The following NR2C2 variants were observed in gnomAD, a reference collection of about 807,000 sequenced individuals.
The protein encoded by NR2C2 is nuclear receptor subfamily 2 group C member 2, also known as Nuclear hormone receptor TR4.
NR2C2 carries 6 observed loss-of-function variants against 62.9 expected under a neutral mutation model. The observed-to-expected ratio is 0.10, with a 90% confidence interval of 0.05 to 0.19. The LOEUF is 0.19. Among genes scored for constraint, NR2C2 ranks in the 10% least tolerant of loss-of-function variants. The probability of loss-of-function intolerance (pLI) is 1.00; values close to 1 mark genes in which losing one functional copy is unlikely to be tolerated. For missense variants in NR2C2, 479 were observed against 762.7 expected (o/e 0.63, Z 4.38); for synonymous variants, 272 against 273.8 (o/e 0.99, Z 0.07).
chr3:14,989,955 TACTG>T (rs374242626), intron 1 of NR2C2, among the ~76,000 whole-genome samples: 239 of 121,638 alleles, frequency 2.0e-3, no homozygotes, highest in African/African-American at 7.4e-3. Context: ...AAAAAAAAAT[TACTG>T]GGTGTGGTGG....
rs575734275 is a variant in NR2C2, at chr3:15,003,092, C to T, written c.-39-784C>T. Among the ~76,000 whole-genome samples the T allele has an allele frequency of 9.9e-5, 15 of 151,124 alleles. No homozygotes were observed. In the South Asian group the frequency reaches 1.3e-3, roughly 13 times the overall value. On this transcript the variant is annotated intron_variant, in intron 1 of 13. Transcript: ENST00000425241. Reference sequence around the variant, plus strand: ...ACACGAGTAGCTGGGATTACAGGTGCGCACCATCGTGCCTGGCTAATTTTT... The same window carrying T: ...ACACGAGTAGCTGGGATTACAGGTGTGCACCATCGTGCCTGGCTAATTTTT...
At chr3:14,985,985 A>G (rs1250135438) in intron 1 of NR2C2, among the ~76,000 whole-genome samples, 1 of 152,118 alleles carries the variant, frequency 6.6e-6, no homozygotes, top group African/African-American at 2.4e-5. Context: ...ATAACTTCAT[A>G]TGCAAGAAGT....
chr3:14,984,926 A>C (rs566908495), intron 1 of NR2C2, among the ~76,000 whole-genome samples: 3 of 152,182 alleles, frequency 2.0e-5, no homozygotes, highest in African/African-American at 7.2e-5. Flanking sequence ...TAGTTGCCCT[A>C]CATCCTTGCC....
intron 1 of NR2C2, among the ~76,000 whole-genome samples, chr3:15,001,390 A>G (rs980206202): frequency 1.4e-5 from 2 of 140,314 alleles, no homozygotes; most frequent in Non-Finnish European, 3.0e-5. Context: ...GCTGGAATGC[A>G]ATGGCGTGAT....
intron 1 of NR2C2, among the ~76,000 whole-genome samples, chr3:14,958,381 T>C (rs1211605244): frequency 1.3e-5 from 2 of 152,074 alleles, no homozygotes; most frequent in African/African-American, 4.8e-5. Context: ...TATACTTCTT[T>C]TGGCAGCTAA....
intron 1 of NR2C2, among the ~76,000 whole-genome samples, chr3:14,990,934 A>G (rs958788605): frequency 6.6e-6 from 1 of 152,212 alleles, no homozygotes; most frequent in African/African-American, 2.4e-5. Flanking sequence ...TATGCTGGCT[A>G]AATTCAGGTG....
intron 11 of NR2C2, among the ~76,000 whole-genome samples, chr3:15,035,562 AGGTCCCT>A (rs2042082486): frequency 6.6e-6 from 1 of 152,252 alleles, no homozygotes. Flanking sequence ...GGCCCTGATA[AGGTCCCT>A]GGCTTGCCCC....
intron 13 of NR2C2, among the ~76,000 whole-genome samples, chr3:15,039,478 C>G (rs573525702): frequency 8.5e-5 from 13 of 152,218 alleles, no homozygotes; most frequent in Non-Finnish European, 1.9e-4. Flanking sequence ...GTGGCTGATT[C>G]CAGTTTTGCT....
chr3:15,015,226 CACCATGTATAA>C (rs2041475399), intron 3 of NR2C2, among the ~76,000 whole-genome samples: 1 of 152,154 alleles, frequency 6.6e-6, no homozygotes, highest in African/African-American at 2.4e-5. Context: ...TATGTGTTCC[CACCATGTATAA>C]ATCATTTTAA....
intron 1 of NR2C2, among the ~76,000 whole-genome samples, chr3:14,984,549 A>C (rs914097404): frequency 8.3e-6 from 1 of 120,652 alleles, no homozygotes; most frequent in African/African-American, 2.7e-5. Context: ...TCTATTAAAG[A>C]AATCATGTGT....
At chr3:15,007,634 A>AG (rs1380513730) in intron 2 of NR2C2, among the ~76,000 whole-genome samples, 1 of 152,232 alleles carries the variant, frequency 6.6e-6, no homozygotes, top group Non-Finnish European at 1.5e-5. Flanking sequence ...TGTCTGACAG[A>AG]GTAGCCCCTC....
intron 1 of NR2C2, among the ~76,000 whole-genome samples, chr3:14,977,625 G>A (rs2040243412): frequency 6.6e-6 from 1 of 151,754 alleles, no homozygotes; most frequent in African/African-American, 2.4e-5. Context: ...CTTTCCTATG[G>A]AAGCTTTCCT....
rs1206326699 is a variant in NR2C2, at chr3:15,024,194, G to A, written c.784G>A (p.Ala262Thr). 6.2e-7 allele frequency: 1 copy of A among 1,608,030 alleles called. No individual in the cohort carries two copies. Among genetic ancestry groups the A allele is most frequent in the East Asian group, 2.2e-5 (1 of 44,536 alleles). ...ACGTGAGGATGGTACAGTTCTCCTG[G>A]CCACGGATTCTAAGGTGACGTTCTC... ...LIREDGTVLL[A>T]TDSKAETSQG... The change falls in exon 7 of 14, where the codon GCC becomes ACC. Residue 262 changes from alanine to threonine, a missense_variant. By Grantham distance (58) the Ala-to-Thr change is moderately conservative. Coordinates refer to ENST00000425241, the MANE Select transcript of NR2C2 (RefSeq NM_001291694.2).
At chr3:15,024,332 C>G in intron 7 of NR2C2, 124 bp downstream of exon 7, 1 of 642,828 alleles carries the variant, frequency 1.6e-6, no homozygotes, top group Non-Finnish European at 2.7e-6. Context: ...ACCTATGTCT[C>G]GGTCTCCTTA....
intron 1 of NR2C2, among the ~76,000 whole-genome samples, chr3:14,989,194 G>A (rs1307417695): frequency 6.6e-6 from 1 of 152,206 alleles, no homozygotes; most frequent in African/African-American, 2.4e-5. Flanking sequence ...CTAATGCACT[G>A]TGACTTCAGG....
intron 1 of NR2C2, among the ~76,000 whole-genome samples, chr3:14,970,635 A>G (rs149289544): frequency 6.6e-6 from 1 of 152,302 alleles, no homozygotes; most frequent in African/African-American, 2.4e-5. Flanking sequence ...AGGTTAATCC[A>G]TGTTGTAGCA....
intron 7 of NR2C2, among the ~76,000 whole-genome samples, chr3:15,027,208 A>G (rs920713943): frequency 1.5e-4 from 23 of 152,304 alleles, no homozygotes; most frequent in African/African-American, 5.3e-4. Context: ...CATGTTGGGC[A>G]GGCTGGTCTC....
chr3:14,948,864 TA>T (rs2039243537), intron 1 of NR2C2: 1 of 152,146 alleles, frequency 6.6e-6, no homozygotes, highest in South Asian at 2.1e-4. Flanking sequence ...TTATCGACTG[TA>T]AATGGGGGGC....
intron 1 of NR2C2, among the ~76,000 whole-genome samples, chr3:14,982,563 T>C (rs1430448543): frequency 6.6e-6 from 1 of 152,254 alleles, no homozygotes; most frequent in African/African-American, 2.4e-5. Flanking sequence ...TCCCAATGTT[T>C]TATGTTCTAT....
Sources: allele counts gnomAD v4.1 joint callset (sites outside exome capture counted in the v4.1 genomes callset), GRCh38; gene constraint gnomAD v4.1.1; transcripts MANE v1.5; gene names NCBI Gene and HGNC (gene_info 2026-07-23, HGNC 2026-07-21).